Variants in PCGF5 observed in about 807,000 individuals in gnomAD.
The protein encoded by PCGF5 is polycomb group RING finger protein 5.
PCGF5 carries 9 observed loss-of-function variants against 44.3 expected under a neutral mutation model. That is an observed-to-expected ratio of 0.20 (90% CI 0.12 to 0.35). The LOEUF (loss-of-function observed/expected upper bound fraction) is 0.35, where lower values mean the gene tolerates loss of function less well. Ranked by LOEUF, PCGF5 falls within the 10% of genes least tolerant of loss-of-function variation. The probability of loss-of-function intolerance (pLI) is 1.00; values close to 1 mark genes in which losing one functional copy is unlikely to be tolerated. For missense variants in PCGF5, 146 were observed against 305.3 expected, an observed-to-expected ratio of 0.48 and a Z score of 3.89; for synonymous variants, 95 against 102.5, an observed-to-expected ratio of 0.93 and a Z score of 0.44.
At chr10:91,259,993 C>G (rs1207088776) in intron 6 of PCGF5, among the ~76,000 whole-genome samples, 1 of 151,730 alleles carries the variant, frequency 6.6e-6, no homozygotes, top group Non-Finnish European at 1.5e-5. Context: ...AGAGCTTCTG[C>G]ACAGCAAAAG....
chr10:91,260,814 G>A (rs1480785298), intron 6 of PCGF5, among the ~76,000 whole-genome samples: 6 of 134,752 alleles, frequency 4.5e-5, no homozygotes, highest in Admixed American at 1.6e-4. Flanking sequence ...CTGTTGTGGG[G>A]TGGGGGAGGG....
intron 3 of PCGF5, among the ~76,000 whole-genome samples, chr10:91,248,155 C>G (rs1276443196): frequency 1.3e-5 from 2 of 152,126 alleles, no homozygotes; most frequent in Admixed American, 6.6e-5. Context: ...GGCTTAGAAC[C>G]AAGCAGTCAC....
At chr10:91,160,477 G>A (rs1345641812), upstream of PCGF5, among the ~76,000 whole-genome samples, 1 of 151,828 alleles carries the variant, frequency 6.6e-6, no homozygotes, top group Non-Finnish European at 1.5e-5. Context: ...AAGATTAAAT[G>A]AGAACGTTTG....
At chr10:91,162,723 C>A (rs1348944349), upstream of PCGF5, among the ~76,000 whole-genome samples, 1 of 151,020 alleles carries the variant, frequency 6.6e-6, no homozygotes, top group Non-Finnish European at 1.5e-5. Context: ...GGCGGCGGCT[C>A]GAGGAGGCCT....
At chr10:91,263,598 T>C (rs961180618) in intron 7 of PCGF5, among the ~76,000 whole-genome samples, 2 of 152,210 alleles carry the variant, frequency 1.3e-5, no homozygotes, top group Non-Finnish European at 2.9e-5. Flanking sequence ...AATGTTATAT[T>C]ATTTGTAGGG....
chr10:91,257,438 T>A (rs1845783896), intron 6 of PCGF5, among the ~76,000 whole-genome samples: 1 of 152,128 alleles, frequency 6.6e-6, no homozygotes, highest in Non-Finnish European at 1.5e-5. Context: ...TCTAAGTATG[T>A]GATCATATCC....
At chr10:91,202,778 T>A (rs1844276628) in intron 1 of PCGF5, among the ~76,000 whole-genome samples, 1 of 152,196 alleles carries the variant, frequency 6.6e-6, no homozygotes, top group South Asian at 2.1e-4. Context: ...GCGAAAAGAT[T>A]GGCCATTTAT....
intron 3 of PCGF5, 86 bp from the exon 4 acceptor site, chr10:91,248,417 CAT>C: frequency 8.6e-7 from 1 of 1,168,120 alleles, no homozygotes; most frequent in Admixed American, 1.8e-5. Context: ...TATTTTGTAA[CAT>C]GTATAAGATT....
intron 1 of PCGF5, among the ~76,000 whole-genome samples, chr10:91,175,323 A>C (rs924899851): frequency 6.6e-6 from 1 of 152,208 alleles, no homozygotes; most frequent in African/African-American, 2.4e-5. Flanking sequence ...TTCGGCTCAC[A>C]AAACAGTGAG....
At chr10:91,238,352 C>G (rs1253143562) in intron 2 of PCGF5, among the ~76,000 whole-genome samples, 5 of 152,170 alleles carry the variant, frequency 3.3e-5, no homozygotes, top group African/African-American at 1.2e-4. Context: ...CCCTACAACT[C>G]TTTCATGAGC....
In PCGF5 at chr10:91,278,298, A is replaced by G; in HGVS notation, c.753A>G (p.Pro251=). The part of the protein sequence containing the change: ...QSYPMVLQYR[P]RIDFG Reference sequence around the variant, plus strand: ...ACCCTATGGTACTGCAGTATCGACCAAGAATTGATTTCGGTTAGACCAAGG... The same window carrying G: ...ACCCTATGGTACTGCAGTATCGACCGAGAATTGATTTCGGTTAGACCAAGG... Residue 251 remains proline, a synonymous_variant, in exon 10 of 10, where the codon CCA becomes CCG. Coordinates refer to ENST00000336126, the MANE Select transcript of PCGF5 (RefSeq NM_032373.5). 1 of 1,612,098 alleles carries G rather than the reference A, an allele frequency of 6.2e-7. No homozygotes were observed. Among genetic ancestry groups the G allele is most frequent in the South Asian group, 1.1e-5 (1 of 91,018 alleles).
chr10:91,260,257 G>A (rs962292904), intron 6 of PCGF5, among the ~76,000 whole-genome samples: 1 of 152,172 alleles, frequency 6.6e-6, no homozygotes, highest in African/African-American at 2.4e-5. Context: ...AAACCACAAT[G>A]AGATACCATC....
intron 3 of PCGF5, among the ~76,000 whole-genome samples, chr10:91,244,208 A>G (rs1303292877): frequency 2.6e-5 from 4 of 151,806 alleles, no homozygotes; most frequent in Non-Finnish European, 5.9e-5. Flanking sequence ...TTGCAATTTT[A>G]AATAAGATGG....
intron 3 of PCGF5, 49 bp from the exon 4 acceptor site, chr10:91,248,456 G>T (rs1460948934): frequency 1.3e-6 from 2 of 1,485,278 alleles, no homozygotes; most frequent in African/African-American, 2.8e-5. Flanking sequence ...TTACATGTCA[G>T]ATCTTGGTGT....
chr10:91,168,078 G>A (rs1183484875), intron 1 of PCGF5, among the ~76,000 whole-genome samples: 1 of 152,170 alleles, frequency 6.6e-6, no homozygotes, highest in African/African-American at 2.4e-5. Context: ...TATTGGTTTG[G>A]ATTTGGATGT....
chr10:91,260,685 T>C (rs1429326121), intron 6 of PCGF5, among the ~76,000 whole-genome samples: 2 of 151,906 alleles, frequency 1.3e-5, no homozygotes, highest in Non-Finnish European at 2.9e-5. Flanking sequence ...CTGGAAACCA[T>C]CATTCTCAGC....
At chr10:91,165,157 T>G (rs990714441) in intron 1 of PCGF5, among the ~76,000 whole-genome samples, 3 of 152,236 alleles carry the variant, frequency 2.0e-5, no homozygotes, top group Admixed American at 2.0e-4. Flanking sequence ...CTGGTTTTCT[T>G]TTGATTCATT....
At chr10:91,190,761 A>G (rs1414971453) in intron 1 of PCGF5, among the ~76,000 whole-genome samples, 1 of 151,810 alleles carries the variant, frequency 6.6e-6, no homozygotes, top group African/African-American at 2.4e-5. Flanking sequence ...GTTGCTTTAA[A>G]TGTAGATCTG....
chr10:91,189,253 C>A (rs560769636), intron 1 of PCGF5, among the ~76,000 whole-genome samples: 1 of 152,312 alleles, frequency 6.6e-6, no homozygotes, highest in African/African-American at 2.4e-5. Flanking sequence ...CCTCTCTTGA[C>A]CCTCATGATT....
Sources: allele counts gnomAD v4.1 joint callset (sites outside exome capture counted in the v4.1 genomes callset), GRCh38; gene constraint gnomAD v4.1.1; transcripts MANE v1.5; gene names NCBI Gene and HGNC (gene_info 2026-07-23, HGNC 2026-07-21).